ERBB4: variants seen among roughly 807,000 people sequenced by gnomAD.
ERBB4 encodes the protein receptor tyrosine-protein kinase erbB-4.
ERBB4 carries 42 observed loss-of-function variants against 158.0 expected under a neutral mutation model. The ratio of observed to expected loss-of-function variants is 0.27; its 90% CI spans 0.21 to 0.34. ERBB4 has a LOEUF of 0.34. Among genes scored for constraint, ERBB4 ranks in the 10% least tolerant of loss-of-function variants. The pLI is 1.00. For synonymous variants in ERBB4, 583 were observed against 558.7 expected (o/e 1.04, Z -0.61); for missense variants, 1,333 against 1,624.1 (o/e 0.82, Z 3.08).
At chr2:211,568,055 G>T (rs2067604041) in intron 19 of ERBB4, among the ~76,000 whole-genome samples, 1 of 151,938 alleles carries the variant, frequency 6.6e-6, no homozygotes. Flanking sequence ...TGAAGACCAT[G>T]GGAATAAATA....
intron 1 of ERBB4, among the ~76,000 whole-genome samples, chr2:212,194,321 T>C (rs1282031074): frequency 9.2e-6 from 1 of 108,736 alleles, no homozygotes; most frequent in Non-Finnish European, 2.0e-5. Flanking sequence ...CACACACACT[T>C]TGTTTCCTTT....
At chr2:212,118,937 T>C (rs2125557595) in intron 2 of ERBB4, among the ~76,000 whole-genome samples, 1 of 152,160 alleles carries the variant, frequency 6.6e-6, no homozygotes, top group East Asian at 1.9e-4. Context: ...AGTCATTGCC[T>C]TTTACTATCA....
At chr2:211,696,509 G>C (rs1487887905) in intron 12 of ERBB4, among the ~76,000 whole-genome samples, 1 of 152,026 alleles carries the variant, frequency 6.6e-6, no homozygotes, top group Non-Finnish European at 1.5e-5. Context: ...GACAATAAGT[G>C]ATCTCCGTAA....
intron 19 of ERBB4, among the ~76,000 whole-genome samples, chr2:211,563,921 T>C (rs61250365): frequency 0.26 from 39,704 of 152,102 alleles, 6,109 homozygotes; most frequent in African/African-American, 0.42. Context: ...ACAGTGTTCA[T>C]TGTATTACTC....
intron 4 of ERBB4, among the ~76,000 whole-genome samples, chr2:211,768,517 T>G (rs1041974522): frequency 6.6e-6 from 1 of 152,208 alleles, no homozygotes; most frequent in Non-Finnish European, 1.5e-5. Flanking sequence ...TTCCTGGACA[T>G]GCAGACATTT....
intron 1 of ERBB4, among the ~76,000 whole-genome samples, chr2:212,232,566 G>A (rs965985361): frequency 1.9e-4 from 29 of 152,124 alleles, no homozygotes; most frequent in Admixed American, 7.9e-4. Flanking sequence ...CTGCCACCAC[G>A]CCTGGCTAAC....
chr2:212,370,581 T>C (rs1474591416), intron 1 of ERBB4, among the ~76,000 whole-genome samples: 2 of 152,192 alleles, frequency 1.3e-5, no homozygotes, highest in Non-Finnish European at 2.9e-5. Context: ...AGGGTGATAA[T>C]TTTCATTAAA....
intron 6 of ERBB4, among the ~76,000 whole-genome samples, chr2:211,724,596 G>T (rs1223782720): frequency 6.6e-6 from 1 of 151,648 alleles, no homozygotes. Flanking sequence ...ATTAAAAACT[G>T]TCCCTAACAA....
In ERBB4 at chr2:211,673,241, C is replaced by A; in HGVS notation, c.1639G>T (p.Glu547Ter). ...NLYDGEFREF[E>*]NGSICVECDP... Reference sequence around the variant, plus strand: ...CACTCCACACAGATGGAGCCATTCTCAAACTCCCGAAATTCACTGTGAAAA... The same window carrying A: ...CACTCCACACAGATGGAGCCATTCTAAAACTCCCGAAATTCACTGTGAAAA... Residue 547 changes from glutamate to a stop codon, truncating the protein, a stop_gained, in exon 14 of 28, where the codon GAG (glutamate) becomes TAG (stop). Coordinates refer to ENST00000342788, the MANE Select transcript of ERBB4 (RefSeq NM_005235.3). LOFTEE classifies it high-confidence loss of function. 1 of 1,613,562 alleles carries A rather than the reference C, an allele frequency of 6.2e-7. No homozygotes were observed. Among genetic ancestry groups the A allele is most frequent in the South Asian group, 1.1e-5 (1 of 91,066 alleles).
intron 25 of ERBB4, among the ~76,000 whole-genome samples, chr2:211,388,469 T>C (rs1574390582): frequency 6.6e-6 from 1 of 152,308 alleles, no homozygotes; most frequent in Non-Finnish European, 1.5e-5. Context: ...ATTTTTGCTA[T>C]CAAGCTACAT....
chr2:211,574,144 A>G (rs892204750), intron 19 of ERBB4, among the ~76,000 whole-genome samples: 10 of 152,204 alleles, frequency 6.6e-5, no homozygotes, highest in Non-Finnish European at 1.0e-4. Flanking sequence ...TCTGGAAAAA[A>G]GCTGCAGCTG....
chr2:211,783,290 A>G (rs2076079257), intron 4 of ERBB4, among the ~76,000 whole-genome samples: 2 of 152,144 alleles, frequency 1.3e-5, no homozygotes, highest in African/African-American at 4.8e-5. Context: ...GGGTTTTCTA[A>G]ATATATAATC....
At chr2:211,823,924 T>C (rs1354952440) in intron 3 of ERBB4, among the ~76,000 whole-genome samples, 1 of 152,052 alleles carries the variant, frequency 6.6e-6, no homozygotes, top group Admixed American at 6.6e-5. Flanking sequence ...ATACACAATA[T>C]GTAAAATTGT....
intron 2 of ERBB4, among the ~76,000 whole-genome samples, chr2:211,953,748 T>A (rs1327373947): frequency 6.6e-6 from 1 of 152,046 alleles, no homozygotes; most frequent in Non-Finnish European, 1.5e-5. Context: ...AAAACTCTTC[T>A]AGCCCAAGGG....
chr2:212,298,903 T>C (rs1029567982), intron 1 of ERBB4, among the ~76,000 whole-genome samples: 2 of 151,688 alleles, frequency 1.3e-5, no homozygotes, highest in South Asian at 4.1e-4. Context: ...TTACATGTCA[T>C]TTTCTTCATC....
chr2:211,600,943 T>C (rs1264880783), intron 19 of ERBB4, among the ~76,000 whole-genome samples: 4 of 152,084 alleles, frequency 2.6e-5, no homozygotes, highest in African/African-American at 9.7e-5. Context: ...GTCACACACC[T>C]GCTCACAGTA....
At chr2:211,441,485 C>T (rs1333796821) in intron 20 of ERBB4, among the ~76,000 whole-genome samples, 1 of 152,044 alleles carries the variant, frequency 6.6e-6, no homozygotes, top group African/African-American at 2.4e-5. Flanking sequence ...CTCTAAGAAG[C>T]CTTTTGCAGA....
chr2:211,773,618 A>AT (rs1247903487), intron 4 of ERBB4, among the ~76,000 whole-genome samples: 10 of 55,462 alleles, frequency 1.8e-4, no homozygotes, highest in African/African-American at 1.0e-3. Flanking sequence ...ATATATATAT[A>AT]TATATATATA....
intron 1 of ERBB4, among the ~76,000 whole-genome samples, chr2:212,435,697 T>C (rs2092122435): frequency 6.6e-6 from 1 of 151,886 alleles, no homozygotes; most frequent in African/African-American, 2.4e-5. Context: ...TTTCCATGTA[T>C]TTCCTAATTT....
Sources: allele counts gnomAD v4.1 joint callset (sites outside exome capture counted in the v4.1 genomes callset), GRCh38; gene constraint gnomAD v4.1.1; transcripts MANE v1.5; gene names NCBI Gene and HGNC (gene_info 2026-07-23, HGNC 2026-07-21).